Variants in EYS observed in about 807,000 individuals in gnomAD.
EYS encodes protein eyes shut homolog.
Under a neutral mutation model 282.1 loss-of-function variants are expected in EYS, and 250 were observed. The observed-to-expected ratio is 0.89, with a 90% CI of 0.80 to 0.98. EYS has a LOEUF of 0.98. Among genes scored for constraint, EYS ranks in the 50% least tolerant of loss-of-function variants. The pLI is 0.00. For synonymous variants in EYS, 1,355 were observed against 1,282.9 expected, an observed-to-expected ratio of 1.06 and a Z score of -1.20; for missense variants, 4,016 against 3,709.0, an observed-to-expected ratio of 1.08 and a Z score of -2.15.
Position 64,773,415 on chromosome 6 carries a change from C to T in EYS, c.3443+39963G>A, listed in dbSNP as rs139925137. Among the ~76,000 whole-genome samples the T allele has an allele frequency of 1.3e-4, 19 of 151,642 alleles. No individual in the cohort carries two copies. In the East Asian group the frequency reaches 3.5e-3, roughly 28 times the overall value. ...CAGGTTGGTTCCATGCTTTTGCCAC[C>T]GTGAATATTGCTGCAATGAATATAC... On this transcript the variant is annotated intron_variant, in intron 22 of 42. Coordinates refer to ENST00000503581, the MANE Select transcript of EYS (RefSeq NM_001142800.2).
At chr6:65,641,043 A>G (rs936115923) in intron 1 of EYS, among the ~76,000 whole-genome samples, 1 of 151,858 alleles carries the variant, frequency 6.6e-6, no homozygotes, top group Admixed American at 6.6e-5. Flanking sequence ...TTTGTCTCCC[A>G]TGCTTGTGGT....
intron 22 of EYS, among the ~76,000 whole-genome samples, chr6:64,664,206 G>C (rs1769149890): frequency 6.6e-6 from 1 of 152,212 alleles, no homozygotes; most frequent in Admixed American, 6.5e-5. Context: ...GGGACCCAAA[G>C]GGGGTTTCCC....
At chr6:65,207,151 G>A (rs1180191096) in intron 12 of EYS, among the ~76,000 whole-genome samples, 1 of 151,682 alleles carries the variant, frequency 6.6e-6, no homozygotes, top group Non-Finnish European at 1.5e-5. Flanking sequence ...TAGTACTAGA[G>A]TTGATACATA....
chr6:65,076,170 G>A (rs1022007332), intron 12 of EYS, among the ~76,000 whole-genome samples: 4 of 151,904 alleles, frequency 2.6e-5, no homozygotes, highest in Non-Finnish European at 5.9e-5. Context: ...AAGAAAAAAT[G>A]TCTAAAAATT....
chr6:64,049,467 A>C (rs1770735966), intron 33 of EYS, among the ~76,000 whole-genome samples: 1 of 152,188 alleles, frequency 6.6e-6, no homozygotes, highest in Non-Finnish European at 1.5e-5. Flanking sequence ...ACTCCATAGC[A>C]CCCAGCAGAG....
At chr6:65,115,966 A>ATCTATCTATCT (rs1554154790) in intron 12 of EYS, among the ~76,000 whole-genome samples, 2 of 144,856 alleles carry the variant, frequency 1.4e-5, no homozygotes, top group Admixed American at 6.9e-5. Context: ...CTGTCTATCT[A>ATCTATCTATCT]ATCTATCTAT....
At chr6:64,100,955 A>C (rs1772804945) in intron 31 of EYS, among the ~76,000 whole-genome samples, 2 of 148,862 alleles carry the variant, frequency 1.3e-5, no homozygotes, top group East Asian at 2.0e-4. Context: ...TTCAGTTTCA[A>C]CTCTTGATTT....
At chr6:65,018,852 T>C (rs1455244955) in intron 13 of EYS, among the ~76,000 whole-genome samples, 3 of 152,184 alleles carry the variant, frequency 2.0e-5, no homozygotes, top group Non-Finnish European at 4.4e-5. Context: ...CTGAATTGTA[T>C]TGTTGTTGTT....
chr6:64,531,698 T>G (rs1297483038), intron 26 of EYS, among the ~76,000 whole-genome samples: 3 of 152,068 alleles, frequency 2.0e-5, no homozygotes, highest in African/African-American at 7.2e-5. Context: ...CCCAAAGTAC[T>G]GGGATTACAG....
At chr6:64,686,654 T>C (rs1477987626) in intron 22 of EYS, among the ~76,000 whole-genome samples, 1 of 147,358 alleles carries the variant, frequency 6.8e-6, no homozygotes, top group Non-Finnish European at 1.5e-5. Flanking sequence ...GGCAGGAGAA[T>C]GACATGAATC....
intron 22 of EYS, among the ~76,000 whole-genome samples, chr6:64,805,166 T>C (rs1273312247): frequency 6.6e-6 from 1 of 152,082 alleles, no homozygotes; most frequent in Non-Finnish European, 1.5e-5. Context: ...TACTCTTTAA[T>C]GTAAATTCAC....
intron 29 of EYS, among the ~76,000 whole-genome samples, chr6:64,327,469 T>A (rs1770470108): frequency 6.6e-6 from 1 of 152,132 alleles, no homozygotes; most frequent in African/African-American, 2.4e-5. Context: ...AGACCGGCCA[T>A]CTTTTAATGT....
At position 65,363,127 on chromosome 6, in the gene EYS, T is replaced by C. The variant is rs1240326628; in HGVS notation, c.1300-9510A>G. The stretch of plus-strand genomic sequence containing the variant: ...GCCAAATGTCATTCAACTTCAGGAA[T>C]GAATGTGATCATCAGGGCTACAAAA... On this transcript the variant is annotated intron_variant, in intron 8 of 42. Coordinates refer to ENST00000503581, the MANE Select transcript of EYS (RefSeq NM_001142800.2). Among the ~76,000 whole-genome samples, 3 of 107,658 alleles carry C rather than the reference T, an allele frequency of 2.8e-5. 1 individual carries two copies. Among genetic ancestry groups the C allele is most frequent in the Non-Finnish European group, 2.0e-5 (1 of 49,740 alleles). The allele number at this position is 107,658 out of a possible 152,430, so 70.6% of individuals were successfully genotyped here.
chr6:64,184,259 C>T lies in EYS; in HGVS notation c.6424+46333G>A, dbSNP rs1205840162. On this transcript the variant is annotated intron_variant, in intron 31 of 42. Coordinates refer to ENST00000503581, the MANE Select transcript of EYS (RefSeq NM_001142800.2). The stretch of plus-strand genomic sequence containing the variant: ...TTCTCACCAGTATATACCAAAGTGC[C>T]TTGTATGTTATGGAGACTTGATTAA... Among the ~76,000 whole-genome samples the T allele has an allele frequency of 3.3e-5, 5 of 152,088 alleles. No individual in the cohort carries two copies. In the East Asian group the frequency reaches 9.7e-4, roughly 29 times the overall value.
intron 12 of EYS, among the ~76,000 whole-genome samples, chr6:65,144,651 T>C (rs1263201277): frequency 6.6e-6 from 1 of 152,168 alleles, no homozygotes; most frequent in Non-Finnish European, 1.5e-5. Context: ...AATTCATTGA[T>C]TTAAAATTGA....
chr6:65,170,469 T>C (rs1025811391), intron 12 of EYS, among the ~76,000 whole-genome samples: 3 of 151,524 alleles, frequency 2.0e-5, no homozygotes, highest in African/African-American at 7.3e-5. Context: ...CTAGCTCTGT[T>C]GACATCCTAT....
intron 12 of EYS, among the ~76,000 whole-genome samples, chr6:65,144,685 T>C (rs1764432844): frequency 6.6e-6 from 1 of 152,048 alleles, no homozygotes. Flanking sequence ...CATATTAGAA[T>C]AAATTTTTTT....
intron 22 of EYS, among the ~76,000 whole-genome samples, chr6:64,719,886 G>A (rs150181170): frequency 6.1e-4 from 93 of 152,282 alleles, no homozygotes; most frequent in African/African-American, 2.1e-3. Flanking sequence ...GGGTGACAGA[G>A]TGAGACTCCA....
Position 65,129,115 on chromosome 6 carries a change from C to A in EYS, c.2024-71388G>T, listed in dbSNP as rs570508738. Among the ~76,000 whole-genome samples, 4 of 152,052 alleles carry A rather than the reference C, an allele frequency of 2.6e-5. No individual in the cohort carries two copies. The South Asian group carries it at 8.3e-4, about 32-fold the overall frequency. On this transcript the variant is annotated intron_variant, in intron 12 of 42. Transcript: ENST00000503581. ...GCTGAGATAACTGGCTATCCATATG[C>A]AGAAGAGTGAAGTTGGACCCCCTAT... is the stretch of plus-strand genomic sequence containing the variant.
Sources: allele counts gnomAD v4.1 joint callset (sites outside exome capture counted in the v4.1 genomes callset), GRCh38; gene constraint gnomAD v4.1.1; transcripts MANE v1.5; gene names NCBI Gene and HGNC (gene_info 2026-07-23, HGNC 2026-07-21).